UNC5D: variants seen among roughly 807,000 people sequenced by gnomAD.
UNC5D encodes the protein netrin receptor UNC5D.
Under a neutral mutation model 105.4 loss-of-function variants are expected in UNC5D, and 39 were observed. The observed-to-expected ratio is 0.37, with a 90% CI of 0.29 to 0.48. The LOEUF is 0.48. Among genes scored for constraint, UNC5D ranks in the 20% least tolerant of loss-of-function variants. UNC5D has a pLI of 0.98. For synonymous variants in UNC5D, 452 were observed against 450.4 expected, an observed-to-expected ratio of 1.00 and a Z score of -0.04; for missense variants, 991 against 1,202.4, an observed-to-expected ratio of 0.82 and a Z score of 2.60.
intron 11 of UNC5D, among the ~76,000 whole-genome samples, chr8:35,736,238 G>A (rs1829462684): frequency 1.3e-5 from 2 of 152,138 alleles, no homozygotes; most frequent in Non-Finnish European, 2.9e-5. Flanking sequence ...GGGCATGGGG[G>A]TAAATGCCTG....
intron 1 of UNC5D, among the ~76,000 whole-genome samples, chr8:35,501,876 A>C (rs955992619): frequency 2.8e-4 from 43 of 152,220 alleles, no homozygotes; most frequent in African/African-American, 9.6e-4. Context: ...GATCTGTGTT[A>C]ATTGATATGT....
chr8:35,645,028 A>C (rs1472017565), intron 4 of UNC5D, among the ~76,000 whole-genome samples: 3 of 152,148 alleles, frequency 2.0e-5, no homozygotes, highest in Non-Finnish European at 4.4e-5. Flanking sequence ...AATCCAGACA[A>C]TCATAGCGAC....
rs73578270 is a variant in UNC5D, at chr8:35,774,171, A to T, written c.2479-128A>T. 9,704 of 952,642 alleles carry T rather than the reference A, an allele frequency of 0.01. 645 individuals are homozygous for T. The African/African-American group carries it at 0.14, about 14-fold the overall frequency. 59.0% of individuals were successfully genotyped at this position (952,642 alleles called of 1,614,324 possible). On this transcript the variant is annotated intron_variant, in intron 15 of 16. Coordinates refer to ENST00000404895, the MANE Select transcript of UNC5D (RefSeq NM_080872.4). ...AAAGGGGAACTTATCAATGTATTTT[A>T]TAGAGTCCATCACAACAGGCAAGCA...
chr8:35,249,161 A>G (rs921032473), intron 1 of UNC5D, among the ~76,000 whole-genome samples: 142 of 139,842 alleles, frequency 1.0e-3, no homozygotes, highest in African/African-American at 3.6e-3. Flanking sequence ...TACATAAAAT[A>G]TATATATTTT....
chr8:35,309,516 A>G (rs1289990165), intron 1 of UNC5D, among the ~76,000 whole-genome samples: 2 of 152,206 alleles, frequency 1.3e-5, no homozygotes, highest in East Asian at 1.9e-4. Context: ...GTTAATGTGA[A>G]TATTAGTTAA....
intron 2 of UNC5D, among the ~76,000 whole-genome samples, chr8:35,563,921 T>C (rs1817141407): frequency 6.6e-6 from 1 of 152,174 alleles, no homozygotes; most frequent in South Asian, 2.1e-4. Flanking sequence ...TGTTTATTGA[T>C]TTGCATATGT....
chr8:35,784,572 A>C (rs1392926265), intron 16 of UNC5D, among the ~76,000 whole-genome samples: 1 of 152,036 alleles, frequency 6.6e-6, no homozygotes, highest in Non-Finnish European at 1.5e-5. Flanking sequence ...ACATGGCGAA[A>C]TCCTGTATCT....
At chr8:35,405,015 G>A (rs531025727) in intron 1 of UNC5D, among the ~76,000 whole-genome samples, 1 of 152,318 alleles carries the variant, frequency 6.6e-6, no homozygotes, top group South Asian at 2.1e-4. Flanking sequence ...ATGAGTTTTA[G>A]AGCTACCTCA....
chr8:35,588,546 C>T (rs1014836034), intron 3 of UNC5D, among the ~76,000 whole-genome samples: 1 of 152,156 alleles, frequency 6.6e-6, no homozygotes. Flanking sequence ...TTCTCCATCT[C>T]ATCACTCAAA....
At chr8:35,521,856 T>C (rs892365164) in intron 1 of UNC5D, among the ~76,000 whole-genome samples, 13 of 152,210 alleles carry the variant, frequency 8.5e-5, no homozygotes, top group Non-Finnish European at 1.6e-4. Context: ...TCTAAGGTTG[T>C]TACACGCTTA....
intron 1 of UNC5D, among the ~76,000 whole-genome samples, chr8:35,332,395 G>T (rs965727570): frequency 6.6e-6 from 1 of 152,138 alleles, no homozygotes; most frequent in Admixed American, 6.5e-5. Flanking sequence ...GACAATAATA[G>T]CAGAGGCAGC....
chr8:35,704,348 A>T (rs936134340), intron 7 of UNC5D, among the ~76,000 whole-genome samples: 1 of 152,206 alleles, frequency 6.6e-6, no homozygotes, highest in Non-Finnish European at 1.5e-5. Context: ...TAAATGCAGG[A>T]GTGAGTTAGG....
chr8:35,723,543 A>C (rs561456202), intron 9 of UNC5D, among the ~76,000 whole-genome samples: 2 of 152,058 alleles, frequency 1.3e-5, no homozygotes, highest in African/African-American at 4.8e-5. Flanking sequence ...CTACAGGCAC[A>C]TGCCACCACA....
chr8:35,755,478 A>ATGTGTGTG lies in UNC5D; in HGVS notation c.2164-3830_2164-3823dup, dbSNP rs140830705. Among the ~76,000 whole-genome samples the ATGTGTGTG allele has an allele frequency of 5.0e-3, 751 of 150,492 alleles. 6 individuals are homozygous for ATGTGTGTG. Among genetic ancestry groups the ATGTGTGTG allele is most frequent in the African/African-American group, 0.016 (663 of 41,106 alleles). On this transcript the variant is annotated intron_variant, in intron 13 of 16. Coordinates refer to ENST00000404895, the MANE Select transcript of UNC5D (RefSeq NM_080872.4). ...CACCATAGCGACATAATTTGTGTGT[A>ATGTGTGTG]TGTGTGTGTGTGTGTGTGTAAGTTC...
intron 1 of UNC5D, among the ~76,000 whole-genome samples, chr8:35,283,654 A>C (rs1441279687): frequency 1.3e-5 from 2 of 151,592 alleles, no homozygotes; most frequent in Admixed American, 1.3e-4. Flanking sequence ...AAATACAAAA[A>C]TTAGCTGGGC....
At chr8:35,763,397 T>C (rs1273171589) in intron 14 of UNC5D, among the ~76,000 whole-genome samples, 1 of 149,206 alleles carries the variant, frequency 6.7e-6, no homozygotes, top group East Asian at 1.9e-4. Flanking sequence ...ACAGAGAATT[T>C]AGCAAATGAT....
chr8:35,424,155 A>G (rs1485419063), intron 1 of UNC5D, among the ~76,000 whole-genome samples: 1 of 152,134 alleles, frequency 6.6e-6, no homozygotes, highest in Non-Finnish European at 1.5e-5. Flanking sequence ...GAATTGTTGT[A>G]TGGGTAATGA....
rs1808868305 is a variant in UNC5D at position 35,311,341 on chromosome 8, G to C, written c.103+75454G>C. Reference sequence around the variant, plus strand: ...AGATGTTTTTTTTCAGAGGAGCGATGTGATCTCTGGATTGCCCATTGTGGA... The same window carrying C: ...AGATGTTTTTTTTCAGAGGAGCGATCTGATCTCTGGATTGCCCATTGTGGA... On this transcript the variant is annotated intron_variant, in intron 1 of 16. Coordinates refer to ENST00000404895, the MANE Select transcript of UNC5D (RefSeq NM_080872.4). Among the ~76,000 whole-genome samples, 3 of 152,166 alleles carry C rather than the reference G, an allele frequency of 2.0e-5. No homozygotes were observed. In the South Asian group the frequency reaches 6.2e-4, roughly 32 times the overall value.
chr8:35,540,930 G>A (rs1028619510), intron 1 of UNC5D, among the ~76,000 whole-genome samples: 1 of 152,076 alleles, frequency 6.6e-6, no homozygotes, highest in African/African-American at 2.4e-5. Context: ...ATGCACAGCT[G>A]AACTGGTCTT....
Sources: allele counts gnomAD v4.1 joint callset (sites outside exome capture counted in the v4.1 genomes callset), GRCh38; gene constraint gnomAD v4.1.1; transcripts MANE v1.5; gene names NCBI Gene and HGNC (gene_info 2026-07-23, HGNC 2026-07-21).